STXBP6: variants seen among roughly 807,000 people sequenced by gnomAD.
The protein encoded by STXBP6 is syntaxin binding protein 6.
In STXBP6, 21 loss-of-function variants were observed where a neutral mutation model predicts 26.9. That is an observed-to-expected ratio of 0.78 (90% confidence interval 0.55 to 1.12). STXBP6 has a LOEUF of 1.12. Ranked by LOEUF, STXBP6 falls within the 50% of genes most tolerant of loss-of-function variation. The pLI is 0.00. For synonymous variants in STXBP6, 97 were observed against 92.6 expected, an observed-to-expected ratio of 1.05 and a Z score of -0.27; for missense variants, 232 against 257.9, an observed-to-expected ratio of 0.90 and a Z score of 0.69.
intron 2 of STXBP6, among the ~76,000 whole-genome samples, chr14:24,929,274 T>C (rs1440861756): frequency 6.6e-6 from 1 of 152,206 alleles, no homozygotes; most frequent in Non-Finnish European, 1.5e-5. Flanking sequence ...AGTCTTCCAA[T>C]TCTCTGGACA....
intron 1 of STXBP6, among the ~76,000 whole-genome samples, chr14:25,035,692 G>T (rs1381167297): frequency 6.6e-6 from 1 of 151,570 alleles, no homozygotes; most frequent in Non-Finnish European, 1.5e-5. Context: ...TTTTTTCTCA[G>T]CTACCTCATT....
intron 2 of STXBP6, among the ~76,000 whole-genome samples, chr14:24,879,882 AG>A (rs1223298621): frequency 3.3e-5 from 5 of 152,294 alleles, no homozygotes; most frequent in Admixed American, 6.5e-5. Context: ...ATGCCCGCTG[AG>A]GGTGTCTGGC....
At chr14:24,912,468 C>G (rs1487589119) in intron 2 of STXBP6, among the ~76,000 whole-genome samples, 2 of 145,836 alleles carry the variant, frequency 1.4e-5, no homozygotes, top group African/African-American at 2.6e-5. Context: ...AAGTGAAATG[C>G]AGCAACCAGT....
At chr14:24,911,160 A>C (rs74850697) in intron 2 of STXBP6, among the ~76,000 whole-genome samples, 3,432 of 152,032 alleles carry the variant, frequency 0.023, 119 homozygotes, top group African/African-American at 0.071. Context: ...CTTTGTCTCT[A>C]CAAAAACAAA....
At chr14:25,037,979 A>G (rs545103962) in intron 1 of STXBP6, among the ~76,000 whole-genome samples, 4 of 152,346 alleles carry the variant, frequency 2.6e-5, no homozygotes, top group African/African-American at 7.2e-5. Flanking sequence ...ATAAAATCAG[A>G]TATCAGTGAC....
At chr14:24,840,190 TC>T (rs1322042316) in intron 4 of STXBP6, among the ~76,000 whole-genome samples, 1 of 152,178 alleles carries the variant, frequency 6.6e-6, no homozygotes, top group Non-Finnish European at 1.5e-5. Context: ...CTCTGCTGGT[TC>T]CTTTGGGATT....
Position 24,864,752 on chromosome 14 carries a change from G to A in STXBP6, c.155-7595C>T, listed in dbSNP as rs2069660860. ...AGCTGTTATTACTTGGCAAGCATAA[G>A]CTGTCAAATATAATTACCGCTATCA... On this transcript the variant is annotated intron_variant, in intron 2 of 5. Transcript: ENST00000323944. Among the ~76,000 whole-genome samples, 3 of 152,150 alleles carry A rather than the reference G, an allele frequency of 2.0e-5. 1 individual carries two copies. In the South Asian group the frequency reaches 6.2e-4, roughly 32 times the overall value.
chr14:24,917,456 A>G (rs1218858765), intron 2 of STXBP6, among the ~76,000 whole-genome samples: 1 of 152,078 alleles, frequency 6.6e-6, no homozygotes, highest in South Asian at 2.1e-4. Flanking sequence ...CTCAAACACC[A>G]ATCGCACCAT....
chr14:25,023,454 A>C (rs1234848963), intron 1 of STXBP6, among the ~76,000 whole-genome samples: 2 of 152,210 alleles, frequency 1.3e-5, no homozygotes, highest in Non-Finnish European at 2.9e-5. Context: ...TTTAAGACAC[A>C]TATAAATAAA....
At chr14:24,866,160 A>C (rs1311057551) in intron 2 of STXBP6, among the ~76,000 whole-genome samples, 1 of 152,080 alleles carries the variant, frequency 6.6e-6, no homozygotes, top group African/African-American at 2.4e-5. Context: ...AGTCAGTAGA[A>C]GATCTGAATA....
chr14:24,928,519 T>A (rs2072264784), intron 2 of STXBP6, among the ~76,000 whole-genome samples: 1 of 152,332 alleles, frequency 6.6e-6, no homozygotes, highest in Non-Finnish European at 1.5e-5. Flanking sequence ...ATTAGTCTAT[T>A]AACAACCTCA....
rs150500041 is a variant in STXBP6, at chr14:24,957,028, A to G, written c.154+17637T>C. Among the ~76,000 whole-genome samples the G allele has an allele frequency of 1.1e-3, 173 of 152,260 alleles. 1 individual carries two copies. The highest frequency in any genetic ancestry group is 4.0e-3 in the African/African-American group (167 of 41,556). The stretch of plus-strand genomic sequence containing the variant: ...ACACACTAGGCTCAGCACACTACCA[A>G]CCAGCAATTACTGAGGTCTCTGATG... On this transcript the variant is annotated intron_variant, in intron 2 of 5. Transcript: ENST00000323944.
chr14:24,900,329 T>C (rs8017040), intron 2 of STXBP6, among the ~76,000 whole-genome samples: 101,392 of 152,012 alleles, frequency 0.67, 34,056 homozygotes, highest in South Asian at 0.76. Context: ...AAGCACCTAC[T>C]GGGTGTGGCA....
intron 2 of STXBP6, among the ~76,000 whole-genome samples, chr14:24,907,023 GA>G (rs910855370): frequency 2.1e-4 from 32 of 152,224 alleles, no homozygotes; most frequent in Non-Finnish European, 3.5e-4. Context: ...AGTGTAGGGG[GA>G]AAAGGGGAAT....
At chr14:24,859,424 G>A (rs777579580) in intron 2 of STXBP6, among the ~76,000 whole-genome samples, 58 of 151,914 alleles carry the variant, frequency 3.8e-4, no homozygotes, top group African/African-American at 9.7e-4. Context: ...TATACACATC[G>A]TATAGAGTTA....
At chr14:24,841,611 T>G (rs2068786735) in intron 4 of STXBP6, among the ~76,000 whole-genome samples, 1 of 152,234 alleles carries the variant, frequency 6.6e-6, no homozygotes, top group African/African-American at 2.4e-5. Context: ...TTCATTGCTG[T>G]GTACTGTATT....
intron 2 of STXBP6, among the ~76,000 whole-genome samples, chr14:24,939,087 C>T (rs917033548): frequency 3.3e-5 from 5 of 152,106 alleles, no homozygotes; most frequent in African/African-American, 9.7e-5. Context: ...AGAAATTAAT[C>T]ATATTGCATT....
chr14:25,037,660 A>G (rs2075577263), intron 1 of STXBP6, among the ~76,000 whole-genome samples: 1 of 152,214 alleles, frequency 6.6e-6, no homozygotes, highest in South Asian at 2.1e-4. Context: ...CTATTTCCCA[A>G]AATCACTGTA....
At chr14:24,834,513 T>C (rs1275400203) in intron 4 of STXBP6, among the ~76,000 whole-genome samples, 1 of 152,224 alleles carries the variant, frequency 6.6e-6, no homozygotes, top group Non-Finnish European at 1.5e-5. Flanking sequence ...TATTGAGGAA[T>C]AAATAGTCCT....
Sources: allele counts gnomAD v4.1 joint callset (sites outside exome capture counted in the v4.1 genomes callset), GRCh38; gene constraint gnomAD v4.1.1; transcripts MANE v1.5; gene names NCBI Gene and HGNC (gene_info 2026-07-23, HGNC 2026-07-21).